The following OSBPL9 variants were observed in gnomAD, a reference collection of about 807,000 sequenced individuals.
OSBPL9 encodes the protein oxysterol binding protein like 9.
A neutral mutation model predicts 106.6 loss-of-function variants in OSBPL9; 40 were observed. The observed-to-expected ratio is 0.38, with a 90% CI of 0.29 to 0.49. The LOEUF (loss-of-function observed/expected upper bound fraction) is 0.49. Ranked by LOEUF, OSBPL9 falls within the 20% of genes least tolerant of loss-of-function variation. The probability of loss-of-function intolerance (pLI) is 0.97; values close to 1 mark genes in which losing one functional copy is unlikely to be tolerated. For synonymous variants in OSBPL9, 269 were observed against 295.4 expected (o/e 0.91, Z 0.92); for missense variants, 609 against 887.2 (o/e 0.69, Z 3.98).
At chr1:51,629,491 A>G (rs926911751) in intron 1 of OSBPL9, among the ~76,000 whole-genome samples, 2 of 152,158 alleles carry the variant, frequency 1.3e-5, no homozygotes, top group African/African-American at 4.8e-5. Context: ...GGCTTACACA[A>G]ACTTAGATCA....
intron 1 of OSBPL9, among the ~76,000 whole-genome samples, chr1:51,577,788 A>G (rs1645195272): frequency 6.6e-6 from 1 of 152,156 alleles, no homozygotes; most frequent in African/African-American, 2.4e-5. Context: ...TTTTTTCCTC[A>G]TTCAAAAGAT....
At chr1:51,763,481 G>GAAACCA (rs1216516702) in intron 11 of OSBPL9, among the ~76,000 whole-genome samples, 2 of 152,084 alleles carry the variant, frequency 1.3e-5, no homozygotes, top group African/African-American at 2.4e-5. Context: ...GTTAAACCTG[G>GAAACCA]AAACCAAAAC....
At position 51,729,936 on chromosome 1, in the gene OSBPL9, T is replaced by C. The variant is rs770460323; in HGVS notation, c.319-15600T>C. The C allele has an allele frequency of 1.5e-6, 2 of 1,309,072 alleles. No homozygotes were observed. Among genetic ancestry groups the C allele is most frequent in the Non-Finnish European group, 2.0e-6 (2 of 1,020,772 alleles). 81.1% of individuals were successfully genotyped at this position (1,309,072 alleles called of 1,614,324 possible). A position where few individuals can be genotyped will look rare whatever the true frequency, so the allele number is the denominator to read the frequency against. On this transcript the variant is annotated intron_variant, in intron 4 of 23. Transcript: ENST00000428468. This position sits in a 1 kb window ranked among gnomAD's most constrained non-coding sequence, Gnocchi z 5.1. Reference sequence around the variant, plus strand: ...GGGGTGCTCGGGAGCAGCCCCCGGCTACCTCCCCTGGAGGCACAGAGGGCG... The same window carrying C: ...GGGGTGCTCGGGAGCAGCCCCCGGCCACCTCCCCTGGAGGCACAGAGGGCG...
chr1:51,567,567 T>C, the OSBPL9 span: 1 of 152,248 alleles, frequency 6.6e-6, no homozygotes, highest in African/African-American at 2.4e-5. Flanking sequence ...TATAACTTCT[T>C]AGGCTTTTGG....
At chr1:51,772,264 C>T in intron 13 of OSBPL9, 82 bp downstream of exon 13, 2 of 1,183,220 alleles carry the variant, frequency 1.7e-6, no homozygotes, top group South Asian at 1.4e-5. Flanking sequence ...GTAATCCCAG[C>T]ACTTTGGGAG....
chr1:51,733,829 A>G (rs1179106039), intron 4 of OSBPL9, among the ~76,000 whole-genome samples: 2 of 151,826 alleles, frequency 1.3e-5, no homozygotes, highest in Admixed American at 1.3e-4. Context: ...ACCTTCCCCT[A>G]CCCAATCTAT....
the OSBPL9 span, among the ~76,000 whole-genome samples, chr1:51,560,519 G>A: frequency 2.6e-5 from 4 of 152,306 alleles, no homozygotes; most frequent in South Asian, 4.1e-4. Flanking sequence ...TCCTCTCCAG[G>A]GGAATTCTTC....
At chr1:51,786,150 G>A (rs1677571007) in intron 21 of OSBPL9, 1 of 486,978 alleles carries the variant, frequency 2.1e-6, no homozygotes. Context: ...AATAATATAT[G>A]TAAAACAATG....
intron 3 of OSBPL9, among the ~76,000 whole-genome samples, chr1:51,705,930 A>G (rs1658448796): frequency 6.6e-6 from 1 of 152,204 alleles, no homozygotes; most frequent in Non-Finnish European, 1.5e-5. Flanking sequence ...GGGAGAGGAA[A>G]GAGTCATGCA....
At chr1:51,752,327 C>G (rs563038700) in intron 8 of OSBPL9, among the ~76,000 whole-genome samples, 1 of 151,628 alleles carries the variant, frequency 6.6e-6, no homozygotes, top group Non-Finnish European at 1.5e-5. Context: ...GGCTCACTCT[C>G]TCACTTTATT....
chr1:51,560,218 C>T, the OSBPL9 span, among the ~76,000 whole-genome samples: 21 of 152,170 alleles, frequency 1.4e-4, no homozygotes, highest in East Asian at 3.9e-3. Context: ...CAGGATATAC[C>T]CAAGGACAGG....
intron 1 of OSBPL9, among the ~76,000 whole-genome samples, chr1:51,651,412 G>T (rs967189488): frequency 3.3e-5 from 5 of 152,070 alleles, no homozygotes; most frequent in African/African-American, 1.2e-4. Context: ...AGACCAGCCT[G>T]GCCAACATGG....
rs192144187 is a variant in OSBPL9 at position 51,738,598 on chromosome 1, T to C, written c.319-6938T>C. 1.6e-3 allele frequency among the ~76,000 whole-genome samples: 251 copies of C among 152,168 alleles called. 7 individuals carry two copies. Among genetic ancestry groups the C allele is most frequent in the East Asian group, 9.6e-4 (5 of 5,190 alleles). On this transcript the variant is annotated intron_variant, in intron 4 of 23. Coordinates refer to ENST00000428468, the MANE Select transcript of OSBPL9 (RefSeq NM_024586.6). ...ATATTGGAATATTTTTCCTGCTCTG[T>C]TTTCCATACTGTGTTTTACCACTTG...
intron 4 of OSBPL9, among the ~76,000 whole-genome samples, chr1:51,720,430 A>G (rs1303331695): frequency 1.3e-5 from 2 of 151,468 alleles, no homozygotes; most frequent in East Asian, 1.9e-4. Flanking sequence ...GGTTCAAGCA[A>G]TTCTCCTGCC....
At chr1:51,758,398 G>A (rs1044908359) in intron 9 of OSBPL9, among the ~76,000 whole-genome samples, 4 of 151,186 alleles carry the variant, frequency 2.6e-5, no homozygotes, top group Admixed American at 1.3e-4. Flanking sequence ...ACACTGATTC[G>A]GGTAGACTGG....
In OSBPL9 at chr1:51,714,075, T is replaced by A. The variant is rs1274991073; in HGVS notation, c.314T>A (p.Leu105His). The A allele has an allele frequency of 6.2e-7, 1 of 1,606,608 alleles. No individual in the cohort carries two copies. Among genetic ancestry groups the A allele is most frequent in the East Asian group, 2.2e-5 (1 of 44,698 alleles). Residue 105 changes from leucine to histidine, a missense_variant, in exon 4 of 24, where the codon CTT becomes CAT. Leu to His is a moderately conservative substitution (Grantham distance 99). This residue lies in a region of OSBPL9 where 72 missense variants were observed against 140.5 expected (regional missense o/e 0.51). Coordinates refer to ENST00000428468, the MANE Select transcript of OSBPL9 (RefSeq NM_024586.6). ...EETILRHTLQ[L>H]QGLDSGFVPS... Reference sequence around the variant, plus strand: ...ACAATTCTTCGACATACTCTCCAGCTTCAAGTAAGGGTCTTTACATGGTTT... The same window carrying A: ...ACAATTCTTCGACATACTCTCCAGCATCAAGTAAGGGTCTTTACATGGTTT...
At chr1:51,728,415 G>GT (rs1170637887) in intron 4 of OSBPL9, among the ~76,000 whole-genome samples, 1 of 152,172 alleles carries the variant, frequency 6.6e-6, no homozygotes, top group Non-Finnish European at 1.5e-5. Context: ...AATGGAGAGT[G>GT]TATTTAGGAG....
the OSBPL9 span, among the ~76,000 whole-genome samples, chr1:51,533,465 AAC>A: frequency 6.7e-6 from 1 of 149,606 alleles, no homozygotes. Context: ...CAGCCTGGGC[AAC>A]AGAGCAAGAC....
chr1:51,777,172 A>G (rs1471937947), intron 15 of OSBPL9, among the ~76,000 whole-genome samples: 2 of 152,172 alleles, frequency 1.3e-5, no homozygotes, highest in African/African-American at 4.8e-5. Flanking sequence ...CACAAGGCCA[A>G]TGGTATAAGT....
Sources: gnomAD v4.1 joint callset for allele counts (sites outside exome capture counted in the v4.1 genomes callset) on GRCh38, gnomAD v4.1.1 for gene constraint, gnomAD v4.1.1 regional missense constraint, Gnocchi (gnomAD v3.1) non-coding constraint, MANE v1.5 for transcripts, NCBI Gene and HGNC (gene_info 2026-07-23, HGNC 2026-07-21) for gene names.